Variants in ZNF680 observed in about 807,000 individuals in gnomAD.
The protein encoded by ZNF680 is hypothetical protein FLJ90430.
Under a neutral mutation model 12.1 loss-of-function variants are expected in ZNF680, and 6 were observed. The ratio of observed to expected loss-of-function variants is 0.49; its 90% confidence interval spans 0.27 to 0.98. The LOEUF (loss-of-function observed/expected upper bound fraction) is 0.98. Ranked by LOEUF, ZNF680 falls within the 50% of genes least tolerant of loss-of-function variation. The pLI, the probability that ZNF680 is intolerant of heterozygous loss-of-function variation, is 0.12. For synonymous variants in ZNF680, 170 were observed against 199.3 expected (o/e 0.85, Z 1.24); for missense variants, 561 against 616.3 (o/e 0.91, Z 0.95).
chr7:64,510,505 A>G, the ZNF680 span, among the ~76,000 whole-genome samples: 1 of 152,168 alleles, frequency 6.6e-6, no homozygotes, highest in Admixed American at 6.5e-5. Context: ...AATTTTGCTC[A>G]GCCTCAATTT....
chr7:64,554,960 C>G (rs557902430), intron 1 of ZNF680, among the ~76,000 whole-genome samples: 11 of 151,670 alleles, frequency 7.3e-5, no homozygotes, highest in African/African-American at 2.7e-4. Flanking sequence ...TCCCCCTCTC[C>G]GAGAAACACC....
At chr7:64,515,624 C>T (rs911029161), downstream of ZNF680, among the ~76,000 whole-genome samples, 4 of 152,008 alleles carry the variant, frequency 2.6e-5, no homozygotes, top group African/African-American at 9.7e-5. Context: ...AAGTATTGTG[C>T]CTAAAAACAT....
At chr7:64,526,184 T>A in intron 3 of ZNF680, 1 of 950,400 alleles carries the variant, frequency 1.1e-6, no homozygotes, top group Non-Finnish European at 1.3e-6. Context: ...AAAAAACTCT[T>A]AGAAGAAGAA....
intron 3 of ZNF680, among the ~76,000 whole-genome samples, chr7:64,530,857 C>CA (rs202058162): frequency 0.053 from 7,033 of 133,400 alleles, 433 homozygotes; most frequent in East Asian, 0.33. Flanking sequence ...GACTCCATCT[C>CA]AAAAAAAAAA....
At chr7:64,509,966 T>C in the ZNF680 span, among the ~76,000 whole-genome samples, 1 of 149,900 alleles carries the variant, frequency 6.7e-6, no homozygotes, top group Non-Finnish European at 1.5e-5. Context: ...CCATCTGCAG[T>C]CTATACTCCC....
intron 3 of ZNF680, among the ~76,000 whole-genome samples, chr7:64,540,729 A>G (rs539602418): frequency 7.4e-4 from 113 of 152,152 alleles, no homozygotes; most frequent in African/African-American, 2.6e-3. Context: ...TAAATAAAAC[A>G]CTAATATGGA....
chr7:64,509,764 G>C, the ZNF680 span, among the ~76,000 whole-genome samples: 5 of 151,948 alleles, frequency 3.3e-5, no homozygotes, highest in African/African-American at 1.2e-4. Context: ...AGCTTCTCCA[G>C]GAACATGGGT....
chr7:64,560,848 T>C (rs1276866448), intron 1 of ZNF680: 1 of 151,880 alleles, frequency 6.6e-6, no homozygotes, highest in Non-Finnish European at 1.5e-5. Context: ...AAAAACTACC[T>C]GTGACAATTA....
intron 3 of ZNF680, among the ~76,000 whole-genome samples, chr7:64,539,351 C>CAAAAAAAAA (rs1170166478): frequency 0.025 from 1,215 of 48,410 alleles, 109 homozygotes; most frequent in African/African-American, 0.038. Flanking sequence ...AACTTCGTCT[C>CAAAAAAAAA]AAAAAAAAAA....
At chr7:64,542,787 C>G (rs995795360) in intron 3 of ZNF680, among the ~76,000 whole-genome samples, 1 of 152,188 alleles carries the variant, frequency 6.6e-6, no homozygotes, top group African/African-American at 2.4e-5. Flanking sequence ...CAGCCTCCAC[C>G]TCCTGTGTTA....
intron 1 of ZNF680, among the ~76,000 whole-genome samples, chr7:64,546,273 C>G (rs543982841): frequency 1.3e-5 from 2 of 152,114 alleles, no homozygotes; most frequent in African/African-American, 4.8e-5. Flanking sequence ...ATTCTCTGGA[C>G]AAATTACACT....
At chr7:64,499,830 C>T in the ZNF680 span, among the ~76,000 whole-genome samples, 1 of 152,198 alleles carries the variant, frequency 6.6e-6, no homozygotes. Context: ...AATCTTCACC[C>T]TCATACAATG....
At chr7:64,559,343 T>C (rs950171194) in intron 1 of ZNF680, among the ~76,000 whole-genome samples, 1 of 152,156 alleles carries the variant, frequency 6.6e-6, no homozygotes, top group East Asian at 1.9e-4. Flanking sequence ...CTTTATTCAT[T>C]TGGGGGGCTG....
At chr7:64,538,888 T>G (rs1786323791) in intron 3 of ZNF680, among the ~76,000 whole-genome samples, 1 of 152,108 alleles carries the variant, frequency 6.6e-6, no homozygotes, top group South Asian at 2.1e-4. Context: ...CCCAGCACTT[T>G]GGAAGGCGGA....
In ZNF680 at chr7:64,543,955, T is replaced by C. The variant is rs1312867441; in HGVS notation, c.158-153A>G. On this transcript the variant is annotated intron_variant, in intron 2 of 3. Transcript: ENST00000309683. ...CAGACATTTCTAAATATTTAGAAAA[T>C]ACTTTAAATTTTTAGGTCTTTAATT... The C allele has an allele frequency of 6.9e-6, 5 of 729,720 alleles. No individual in the cohort carries two copies. In the East Asian group the frequency reaches 1.2e-4, roughly 18 times the overall value. 45.2% of individuals were successfully genotyped at this position (729,720 alleles called of 1,614,324 possible). A position where few individuals can be genotyped will look rare whatever the true frequency, so the allele number is the denominator to read the frequency against.
chr7:64,532,232 G>A (rs1785923725), intron 3 of ZNF680, among the ~76,000 whole-genome samples: 1 of 151,758 alleles, frequency 6.6e-6, no homozygotes, highest in Admixed American at 6.6e-5. Flanking sequence ...CTGAACCTGG[G>A]AGGCAGAGCT....
intron 1 of ZNF680, among the ~76,000 whole-genome samples, chr7:64,554,009 C>T (rs1787239935): frequency 6.6e-6 from 1 of 151,798 alleles, no homozygotes; most frequent in Admixed American, 6.6e-5. Context: ...GCCGCCACCC[C>T]GTCTAGGAAG....
intron 2 of ZNF680, chr7:64,544,053 A>C: frequency 1.7e-6 from 1 of 605,824 alleles, no homozygotes; most frequent in Non-Finnish European, 2.7e-6. Context: ...ACAACATTTT[A>C]TGCCATCAAA....
At chr7:64,545,849 C>A (rs1407175612) in intron 1 of ZNF680, among the ~76,000 whole-genome samples, 1 of 152,128 alleles carries the variant, frequency 6.6e-6, no homozygotes, top group Non-Finnish European at 1.5e-5. Flanking sequence ...ATTACATGTT[C>A]TTTTTCTTTA....
Sources: gnomAD v4.1 joint callset for allele counts (sites outside exome capture counted in the v4.1 genomes callset) on GRCh38, gnomAD v4.1.1 for gene constraint, MANE v1.5 for transcripts, NCBI Gene and HGNC (gene_info 2026-07-23, HGNC 2026-07-21) for gene names.